The following FBLN1 variants were observed in gnomAD, a reference collection of about 807,000 sequenced individuals.
FBLN1 encodes fibulin 1.
Under a neutral mutation model 89.7 loss-of-function variants are expected in FBLN1, and 34 were observed. The ratio of observed to expected loss-of-function variants is 0.38; its 90% CI spans 0.29 to 0.50. FBLN1 has a LOEUF of 0.50. Among genes scored for constraint, FBLN1 ranks in the 20% least tolerant of loss-of-function variants. The probability of loss-of-function intolerance (pLI) is 0.92; values close to 1 mark genes in which losing one functional copy is unlikely to be tolerated. For synonymous variants in FBLN1, 393 were observed against 391.3 expected, an observed-to-expected ratio of 1.00 and a Z score of -0.05; for missense variants, 777 against 988.1, an observed-to-expected ratio of 0.79 and a Z score of 2.86.
chr22:45,512,680 C>G (rs748188615), intron 1 of FBLN1, among the ~76,000 whole-genome samples: 11 of 152,316 alleles, frequency 7.2e-5, no homozygotes, highest in Non-Finnish European at 1.2e-4. Flanking sequence ...GGGCTGGACC[C>G]CAGGCCCTTC....
chr22:45,547,168 T>C lies in FBLN1; in HGVS notation c.1405T>C (p.Tyr469His), dbSNP rs529863673. The change falls in exon 12 of 17, where the codon TAC becomes CAC. Residue 469 changes from tyrosine to histidine, a missense_variant. Coordinates refer to ENST00000327858, the MANE Select transcript of FBLN1 (RefSeq NM_006486.3). ...CTACCAGTGTTACTGCCGGCGAGGC[T>C]ACCAGCTCAGCGATGTGGATGGAGT... ...GSYQCYCRRG[Y>H]QLSDVDGVTC... The C allele has an allele frequency of 1.4e-5, 22 of 1,613,914 alleles. No homozygotes were observed. Among genetic ancestry groups the C allele is most frequent in the Non-Finnish European group, 1.9e-5 (22 of 1,180,006 alleles).
chr22:45,540,464 C>T (rs567702351), intron 8 of FBLN1, among the ~76,000 whole-genome samples: 6 of 152,276 alleles, frequency 3.9e-5, no homozygotes, highest in African/African-American at 1.2e-4. Flanking sequence ...TTCTGACTTA[C>T]GCTCAGGGGT....
rs1301016770 is a variant in FBLN1 at position 45,572,157 on chromosome 22, AAAAC to A, written c.1698-2350_1698-2347del. Among the ~76,000 whole-genome samples the A allele has an allele frequency of 6.6e-6, 1 of 152,138 alleles. No homozygotes were observed. The highest frequency in any genetic ancestry group is 2.4e-5 in the African/African-American group (1 of 41,422). Reference sequence around the variant, plus strand: ...AATATATAAAAATAAAAATAAATGAAAAACAAAAACAGAAATACAAATCCAAGAC... The same window carrying A: ...AATATATAAAAATAAAAATAAATGAAAAAAACAGAAATACAAATCCAAGAC... On this transcript the variant is annotated intron_variant, in intron 14 of 16. Coordinates refer to ENST00000327858, the MANE Select transcript of FBLN1 (RefSeq NM_006486.3). The surrounding 1 kb of genome is among the most constrained non-coding windows in gnomAD (Gnocchi z 5.8).
intron 11 of FBLN1, among the ~76,000 whole-genome samples, chr22:45,544,431 G>T (rs999850186): frequency 2.6e-5 from 4 of 152,196 alleles, no homozygotes; most frequent in African/African-American, 9.6e-5. Flanking sequence ...CACCCGCAGA[G>T]ACAGGGAGAA....
intron 14 of FBLN1, among the ~76,000 whole-genome samples, chr22:45,551,613 T>C (rs2088702743): frequency 6.6e-6 from 1 of 152,238 alleles, no homozygotes; most frequent in South Asian, 2.1e-4. Flanking sequence ...CACGGATTTC[T>C]GTCTGCTTGA....
chr22:45,550,583 G>A lies in FBLN1; in HGVS notation c.1665G>A (p.Glu555=). 1.2e-6 allele frequency: 2 copies of A among 1,614,064 alleles called. No homozygotes were observed. Among genetic ancestry groups the A allele is most frequent in the Non-Finnish European group, 1.7e-6 (2 of 1,180,036 alleles). Residue 555 remains glutamate, a synonymous_variant, in exon 14 of 17, where the codon GAG becomes GAA. Transcript: ENST00000327858. This position sits in a 1 kb window ranked among gnomAD's most constrained non-coding sequence, Gnocchi z 8.4. The part of the protein sequence containing the change: ...IQGGFRCLAF[E]CPENYRRSAA... Reference sequence around the variant, plus strand: ...GCGGCTTCCGCTGCCTGGCCTTCGAGTGCCCTGAGAACTACCGCCGCTCCG... The same window carrying A: ...GCGGCTTCCGCTGCCTGGCCTTCGAATGCCCTGAGAACTACCGCCGCTCCG...
intron 13 of FBLN1, 31 bp downstream of exon 13, chr22:45,548,775 A>C (rs1374964747): frequency 6.2e-7 from 1 of 1,610,644 alleles, no homozygotes; most frequent in Non-Finnish European, 8.5e-7. Flanking sequence ...GGGGTCCCTC[A>C]CGCTCTGCTT....
At position 45,542,163 on chromosome 22, in the gene FBLN1, G is replaced by A. The variant is rs774940379; in HGVS notation, c.1075G>A (p.Glu359Lys). ...TCTTTCTCCTTTGCAAGATGTGGACGAGTGCGCGCCACCTGCTGAGCCCTG... is the reference window on the plus strand; with the variant it reads ...TCTTTCTCCTTTGCAAGATGTGGACAAGTGCGCGCCACCTGCTGAGCCCTG... ...EEGTRCVDVDECAPPAEPCGK... is the reference protein window; with the variant it reads ...EEGTRCVDVDKCAPPAEPCGK... Residue 359 changes from glutamate (E) to lysine (K), a missense_variant, in exon 10 of 17, where the codon GAG becomes AAG. By Grantham distance (56) the Glu-to-Lys change is moderately conservative (BLOSUM62 1). Coordinates refer to ENST00000327858, the MANE Select transcript of FBLN1 (RefSeq NM_006486.3). 5 of 1,614,190 alleles carry A rather than the reference G, an allele frequency of 3.1e-6. No individual in the cohort carries two copies. Among genetic ancestry groups the A allele is most frequent in the Admixed American group, 1.7e-5 (1 of 60,032 alleles).
Position 45,525,328 on chromosome 22 carries a change from T to G in FBLN1, c.186-215T>G, listed in dbSNP as rs136726. 0.84 allele frequency among the ~76,000 whole-genome samples: 127,524 copies of G among 152,294 alleles called. 53,503 individuals are homozygous for G. Among genetic ancestry groups the G allele is most frequent in the East Asian group, 0.91 (4,739 of 5,186 alleles). On this transcript the variant is annotated intron_variant, in intron 2 of 16. Coordinates refer to ENST00000327858, the MANE Select transcript of FBLN1 (RefSeq NM_006486.3). ...CCTCATCCTCTCAATGTGCTGGCATTACTGGTGTGAACCACTGTGCCCGGC... is the reference window on the plus strand; with the variant it reads ...CCTCATCCTCTCAATGTGCTGGCATGACTGGTGTGAACCACTGTGCCCGGC...
In FBLN1 at chr22:45,543,429, G is replaced by C. The variant is rs771856047; in HGVS notation, c.1224G>C (p.Gly408=). The change falls in exon 11 of 17, where the codon GGG becomes GGC. Residue 408 remains glycine (G), a synonymous_variant. Transcript: ENST00000327858. ...VDVNECQRYP[G]RLCGHKCENT... is the part of the protein sequence containing the mutation. ...TCAACGAGTGCCAGCGCTACCCCGG[G>C]CGCCTGTGTGGCCACAAGTGCGAGA... The C allele has an allele frequency of 6.2e-7, 1 of 1,613,440 alleles. No homozygotes were observed. Among genetic ancestry groups the C allele is most frequent in the African/African-American group, 1.3e-5 (1 of 74,914 alleles).
In FBLN1 at chr22:45,530,960, C is replaced by T. The variant is rs540800122; in HGVS notation, c.485-305C>T. On this transcript the variant is annotated intron_variant, in intron 4 of 16. Coordinates refer to ENST00000327858, the MANE Select transcript of FBLN1 (RefSeq NM_006486.3). This position sits in a 1 kb window ranked among gnomAD's most constrained non-coding sequence, Gnocchi z 5.4. ...TGTATTTTTAGTAGAGACAGCATTT[C>T]ACCGTGTTGGCCAGGATGGTCTTGA... 1.6e-3 allele frequency among the ~76,000 whole-genome samples: 246 copies of T among 152,228 alleles called. 1 individual carries two copies. Among genetic ancestry groups the T allele is most frequent in the African/African-American group, 5.7e-3 (236 of 41,554 alleles).
intron 14 of FBLN1, among the ~76,000 whole-genome samples, chr22:45,573,555 C>G (rs1220342484): frequency 6.6e-6 from 1 of 151,180 alleles, no homozygotes; most frequent in African/African-American, 2.4e-5. Context: ...GTGGCATGCG[C>G]CTGTAATCCC....
intron 16 of FBLN1, among the ~76,000 whole-genome samples, chr22:45,586,066 T>G (rs2089082922): frequency 6.6e-6 from 1 of 152,156 alleles, no homozygotes; most frequent in Non-Finnish European, 1.5e-5. Flanking sequence ...TGAGCCTACT[T>G]CAGTGAGACA....
At chr22:45,516,656 G>C (rs946196531) in intron 1 of FBLN1, among the ~76,000 whole-genome samples, 3 of 151,936 alleles carry the variant, frequency 2.0e-5, no homozygotes, top group Non-Finnish European at 4.4e-5. Context: ...TGAGGTGGGA[G>C]GGGGGCTGAG....
rs1029266799 is a variant in FBLN1 at position 45,562,552 on chromosome 22, C to T, written c.1697+11937C>T. 8.5e-5 allele frequency among the ~76,000 whole-genome samples: 13 copies of T among 152,124 alleles called. No individual in the cohort carries two copies. The highest frequency in any genetic ancestry group is 1.8e-4 in the Non-Finnish European group (12 of 68,010). ...CTCCGAGACACAACCAAGAGCCCTG[C>T]GTAGCCCTGGCCACTGTCTGGGCAA... On this transcript the variant is annotated intron_variant, in intron 14 of 16. Coordinates refer to ENST00000327858, the MANE Select transcript of FBLN1 (RefSeq NM_006486.3). The surrounding 1 kb of genome is among the most constrained non-coding windows in gnomAD (Gnocchi z 7.8).
chr22:45,512,582 G>C (rs2088115388), intron 1 of FBLN1, among the ~76,000 whole-genome samples: 1 of 152,118 alleles, frequency 6.6e-6, no homozygotes, highest in African/African-American at 2.4e-5. Context: ...CAGGACACCT[G>C]GTGTTTGGAT....
At chr22:45,566,803 C>T (rs996288525) in intron 14 of FBLN1, among the ~76,000 whole-genome samples, 1 of 152,178 alleles carries the variant, frequency 6.6e-6, no homozygotes, top group Non-Finnish European at 1.5e-5. Context: ...ACTTTTGATT[C>T]AGAACCTGTG....
chr22:45,575,240 T>TCAG lies in FBLN1; in HGVS notation c.1840+587_1840+588insCAG, dbSNP rs2088986528. 6.6e-6 allele frequency among the ~76,000 whole-genome samples: 1 copy of TCAG among 152,028 alleles called. No homozygotes were observed. The highest frequency in any genetic ancestry group is 1.5e-5 in the Non-Finnish European group (1 of 68,014). The stretch of plus-strand genomic sequence containing the variant: ...TAAGCGCTGATTCTGTGACCAGCAC[T>TCAG]GGAGAATCAGGGAGGGCCTCCGGGA... On this transcript the variant is annotated intron_variant, in intron 15 of 16. Coordinates refer to ENST00000327858, the MANE Select transcript of FBLN1 (RefSeq NM_006486.3). The surrounding 1 kb of genome is among the most constrained non-coding windows in gnomAD (Gnocchi z 6.3).
intron 3 of FBLN1, among the ~76,000 whole-genome samples, 189 bp downstream of exon 3, chr22:45,525,867 G>A (rs899838999): frequency 2.6e-5 from 4 of 152,320 alleles, no homozygotes; most frequent in African/African-American, 7.2e-5. Context: ...CACTGTAGCC[G>A]TAAACCCCGG....
Sources: allele counts gnomAD v4.1 joint callset (sites outside exome capture counted in the v4.1 genomes callset), GRCh38; gene constraint gnomAD v4.1.1; non-coding constraint Gnocchi (gnomAD v3.1); transcripts MANE v1.5; gene names NCBI Gene and HGNC (gene_info 2026-07-23, HGNC 2026-07-21).